Variants in CEP112 observed in about 807,000 individuals in gnomAD.
The protein encoded by CEP112 is centrosomal protein of 112 kDa.
Under a neutral mutation model 153.0 loss-of-function variants are expected in CEP112, and 127 were observed. That is an observed-to-expected ratio of 0.83 (90% confidence interval 0.72 to 0.96). The LOEUF is 0.96. Among genes scored for constraint, CEP112 ranks in the 40% least tolerant of loss-of-function variants. The pLI is 0.00. For synonymous variants in CEP112, 358 were observed against 374.4 expected (o/e 0.96, Z 0.51); for missense variants, 1,089 against 1,101.2 (o/e 0.99, Z 0.16).
intron 21 of CEP112, among the ~76,000 whole-genome samples, chr17:65,832,276 C>G (rs1045663377): frequency 6.6e-6 from 1 of 151,962 alleles, no homozygotes; most frequent in South Asian, 2.1e-4. Flanking sequence ...AACATCACAA[C>G]TGAAAGACTT....
intron 6 of CEP112, among the ~76,000 whole-genome samples, chr17:66,111,498 T>A (rs923346537): frequency 6.6e-6 from 1 of 152,148 alleles, no homozygotes; most frequent in African/African-American, 2.4e-5. Context: ...ACTGTACATA[T>A]ACCCACGGAA....
At chr17:66,008,988 CA>C (rs1226104871) in intron 16 of CEP112, among the ~76,000 whole-genome samples, 1 of 152,148 alleles carries the variant, frequency 6.6e-6, no homozygotes, top group Non-Finnish European at 1.5e-5. Context: ...CTGCAATGAA[CA>C]TAGGAGTGTA....
chr17:66,040,278 A>G (rs1285273165), intron 12 of CEP112, among the ~76,000 whole-genome samples: 2 of 152,114 alleles, frequency 1.3e-5, no homozygotes, highest in African/African-American at 4.8e-5. Flanking sequence ...TACTGAATTT[A>G]CATTTCCCTG....
At chr17:66,084,996 C>A (rs941118293) in intron 8 of CEP112, among the ~76,000 whole-genome samples, 1 of 152,004 alleles carries the variant, frequency 6.6e-6, no homozygotes, top group African/African-American at 2.4e-5. Context: ...ATAGAAGAAA[C>A]CTTCTCTACA....
At chr17:65,767,986 TA>T (rs1200712600) in intron 21 of CEP112, among the ~76,000 whole-genome samples, 3 of 151,914 alleles carry the variant, frequency 2.0e-5, no homozygotes, top group African/African-American at 7.3e-5. Flanking sequence ...ACTTCCAAAA[TA>T]AAAAAGAGCT....
intron 24 of CEP112, chr17:65,655,456 C>T (rs1308269120): frequency 3.9e-6 from 4 of 1,028,610 alleles, no homozygotes; most frequent in Admixed American, 1.7e-5. Flanking sequence ...TTTGAATGGG[C>T]CACAGTGTTT....
chr17:65,929,240 G>A (rs370098122), intron 18 of CEP112, among the ~76,000 whole-genome samples: 12 of 152,092 alleles, frequency 7.9e-5, no homozygotes, highest in Admixed American at 5.2e-4. Flanking sequence ...AAAAGAAAGC[G>A]GAAAAAGGAA....
chr17:66,138,176 G>A (rs533048721), intron 4 of CEP112, among the ~76,000 whole-genome samples: 2 of 152,262 alleles, frequency 1.3e-5, no homozygotes, highest in African/African-American at 2.4e-5. Context: ...ACTAAAATTA[G>A]TTTATATAGC....
chr17:66,074,215 A>AGAT (rs747794342), intron 8 of CEP112, among the ~76,000 whole-genome samples: 97 of 152,318 alleles, frequency 6.4e-4, no homozygotes, highest in Non-Finnish European at 1.2e-3. Flanking sequence ...AAAATTCACT[A>AGAT]GATGAGCTTA....
intron 15 of CEP112, 110 bp downstream of exon 15, chr17:66,028,203 G>A: frequency 1.6e-6 from 1 of 640,428 alleles, no homozygotes. Flanking sequence ...AATCAGAAAA[G>A]ATGACCTGCA....
At chr17:66,019,307 T>TAAC (rs112194513) in intron 16 of CEP112, among the ~76,000 whole-genome samples, 87 of 117,262 alleles carry the variant, frequency 7.4e-4, no homozygotes, top group African/African-American at 2.4e-3. Context: ...CCTGTAACAC[T>TAAC]AACAACAACA....
chr17:65,835,964 A>G (rs1377374726), intron 21 of CEP112, among the ~76,000 whole-genome samples: 1 of 152,258 alleles, frequency 6.6e-6, no homozygotes, highest in Non-Finnish European at 1.5e-5. Flanking sequence ...CAAAGAGTCA[A>G]AAATGTGGTG....
At chr17:66,087,394 A>T (rs2067979009) in intron 8 of CEP112, among the ~76,000 whole-genome samples, 1 of 152,224 alleles carries the variant, frequency 6.6e-6, no homozygotes, top group African/African-American at 2.4e-5. Flanking sequence ...ATTAAAAGAA[A>T]AAATAGTTGG....
intron 21 of CEP112, among the ~76,000 whole-genome samples, chr17:65,824,877 C>A (rs1024125039): frequency 6.6e-6 from 1 of 152,016 alleles, no homozygotes; most frequent in Admixed American, 6.6e-5. Context: ...TGTGCACTGC[C>A]GATGGGAATG....
intron 24 of CEP112, among the ~76,000 whole-genome samples, chr17:65,646,980 C>T (rs543672862): frequency 4.6e-5 from 7 of 152,116 alleles, no homozygotes; most frequent in Non-Finnish European, 4.4e-5. Context: ...GATTTATATA[C>T]GACCAACTGA....
intron 23 of CEP112, among the ~76,000 whole-genome samples, chr17:65,736,948 C>T (rs1192138333): frequency 6.6e-6 from 1 of 152,122 alleles, no homozygotes; most frequent in Non-Finnish European, 1.5e-5. Context: ...AGTCAATGCA[C>T]ATTCTGAATT....
At chr17:66,069,419 G>A (rs992120888) in intron 9 of CEP112, among the ~76,000 whole-genome samples, 10 of 152,000 alleles carry the variant, frequency 6.6e-5, no homozygotes, top group African/African-American at 2.2e-4. Flanking sequence ...TGAAAGATTA[G>A]AAAGCATCAA....
intron 20 of CEP112, among the ~76,000 whole-genome samples, chr17:65,880,337 T>C (rs1320978168): frequency 1.3e-5 from 2 of 152,166 alleles, no homozygotes; most frequent in Non-Finnish European, 2.9e-5. Flanking sequence ...TGAGATAAAG[T>C]CATGATAATG....
chr17:65,637,167 C>T lies in CEP112; in HGVS notation c.2821G>A (p.Ala941Thr). 1.2e-6 allele frequency: 2 copies of T among 1,614,028 alleles called. No homozygotes were observed. The highest frequency in any genetic ancestry group is 1.7e-6 in the Non-Finnish European group (2 of 1,179,902). ...GTCAGTTCTTCCTGAAGGATGGAAG[C>T]TCTCTTTTGCAGAAAATTAACCTAG... ...KSQVNFLQKR[A>T]SILQEELTTY... Residue 941 changes from alanine to threonine, a missense_variant, in exon 26 of 27, where the codon GCT becomes ACT. Transcript: ENST00000535342.
Sources: gnomAD v4.1 joint callset for allele counts (sites outside exome capture counted in the v4.1 genomes callset) on GRCh38, gnomAD v4.1.1 for gene constraint, MANE v1.5 for transcripts, NCBI Gene and HGNC (gene_info 2026-07-23, HGNC 2026-07-21) for gene names.